TUBAL3: variants seen among roughly 807,000 people sequenced by gnomAD.
TUBAL3 encodes tubulin alpha like 3.
TUBAL3 carries 16 observed loss-of-function variants against 15.5 expected under a neutral mutation model. That is an observed-to-expected ratio of 1.04 (90% CI 0.70 to 1.57). The LOEUF (loss-of-function observed/expected upper bound fraction) is 1.57, where lower values mean the gene tolerates loss of function less well. Ranked by LOEUF, TUBAL3 falls within the 40% of genes most tolerant of loss-of-function variation. The probability of loss-of-function intolerance (pLI) is 0.00; values close to 1 mark genes in which losing one functional copy is unlikely to be tolerated. For synonymous variants in TUBAL3, 238 were observed against 224.3 expected, an observed-to-expected ratio of 1.06 and a Z score of -0.55; for missense variants, 609 against 576.2, an observed-to-expected ratio of 1.06 and a Z score of -0.58.
chr10:5,393,630 C>A lies in TUBAL3; in HGVS notation c.1228G>T (p.Ala410Ser). 6.2e-7 allele frequency: 1 copy of A among 1,614,190 alleles called. No individual in the cohort carries two copies. Among genetic ancestry groups the A allele is most frequent in the Non-Finnish European group, 8.5e-7 (1 of 1,180,030 alleles). The change falls in exon 4 of 4, where the codon GCA (alanine) becomes TCA (serine). Residue 410 changes from alanine (A) to serine (S), a missense_variant. Physicochemically the swap from Ala to Ser is moderately conservative, Grantham distance 99. Coordinates refer to ENST00000380419, the MANE Select transcript of TUBAL3 (RefSeq NM_024803.3). ...HKFDLMYAKR[A>S]FLHWYLREGM... ...TCTCTGAGGTACCAGTGCAGAAATG[C>A]TCTCTTGGCGTACATGAGGTCAAAC...
chr10:5,402,128 T>C (rs782620178), intron 1 of TUBAL3, among the ~76,000 whole-genome samples: 11 of 152,224 alleles, frequency 7.2e-5, no homozygotes, highest in Non-Finnish European at 1.3e-4. Flanking sequence ...CATCAAGATA[T>C]TAAGTTTAGT....
Position 5,400,981 on chromosome 10 carries a change from A to G in TUBAL3, c.110T>C (p.Leu37Pro). The change falls in exon 2 of 4, where the codon CTT becomes CCT. Residue 37 changes from leucine to proline, a missense_variant. Transcript: ENST00000380419. ...EHGIQPNGVVLDTQQDQLENA... is the reference protein window; with the variant it reads ...EHGIQPNGVVPDTQQDQLENA... ...TTCCAGCTGATCCTGTTGAGTGTCA[A>G]GAACAACGCCATTTGGCTGGATTCC... 6.2e-7 allele frequency: 1 copy of G among 1,614,230 alleles called. No individual in the cohort carries two copies. Among genetic ancestry groups the G allele is most frequent in the African/African-American group, 1.3e-5 (1 of 75,060 alleles).
In TUBAL3 at chr10:5,394,320, G is replaced by C; in HGVS notation, c.538C>G (p.Pro180Ala). 2 of 1,614,108 alleles carry C rather than the reference G, an allele frequency of 1.2e-6. No homozygotes were observed. Among genetic ancestry groups the C allele is most frequent in the Non-Finnish European group, 1.7e-6 (2 of 1,180,018 alleles). ...ACAGCAGTGGAGATCCTGGGGGCTGGGTAGACCGAGAACTCCAGCTTAGTC... is the reference window on the plus strand; with the variant it reads ...ACAGCAGTGGAGATCCTGGGGGCTGCGTAGACCGAGAACTCCAGCTTAGTC... ...RKTKLEFSVY[P>A]APRISTAVVE... Residue 180 changes from proline to alanine, a missense_variant, in exon 4 of 4, where the codon CCA (proline) becomes GCA (alanine). Physicochemically the swap from Pro to Ala is conservative, Grantham distance 27 (BLOSUM62 -1). Coordinates refer to ENST00000380419, the MANE Select transcript of TUBAL3 (RefSeq NM_024803.3). The surrounding 1 kb of genome is among the most constrained non-coding windows in gnomAD (Gnocchi z 4.3).
Position 5,397,866 on chromosome 10 carries a change from A to G in TUBAL3, c.248-2391T>C, listed in dbSNP as rs1554814297. On this transcript the variant is annotated intron_variant, in intron 2 of 3. Transcript: ENST00000380419. This position sits in a 1 kb window ranked among gnomAD's most constrained non-coding sequence, Gnocchi z 4.9. ...TTCACCCTTGAGCCTGCCCCAGACCATCTTCCCAGACTCATCCCCTGCTTT... is the reference window on the plus strand; with the variant it reads ...TTCACCCTTGAGCCTGCCCCAGACCGTCTTCCCAGACTCATCCCCTGCTTT... Among the ~76,000 whole-genome samples, 1 of 152,266 alleles carries G rather than the reference A, an allele frequency of 6.6e-6. No homozygotes were observed. Among genetic ancestry groups the G allele is most frequent in the Admixed American group, 6.5e-5 (1 of 15,300 alleles).
chr10:5,400,971 T>C lies in TUBAL3; in HGVS notation c.120A>G (p.Gln40=), dbSNP rs1554814590. ...TTTTTGCATTTTCCAGCTGATCCTG[T>C]TGAGTGTCAAGAACAACGCCATTTG... ...IQPNGVVLDT[Q]QDQLENAKME... is the part of the protein sequence containing the mutation. The change falls in exon 2 of 4, where the codon CAA becomes CAG. Residue 40 remains glutamine (Q), a synonymous_variant. Transcript: ENST00000380419. 2 of 1,614,238 alleles carry C rather than the reference T, an allele frequency of 1.2e-6. No homozygotes were observed. The highest frequency in any genetic ancestry group is 1.7e-6 in the Non-Finnish European group (2 of 1,180,038).
rs1348493348 is a variant in TUBAL3 at position 5,397,687 on chromosome 10, T to G, written c.248-2212A>C. ...TATCCTCAGAGACATCAATGGCTTT[T>G]GAACAATTACATGATGGCTCCTTAG... On this transcript the variant is annotated intron_variant, in intron 2 of 3. Coordinates refer to ENST00000380419, the MANE Select transcript of TUBAL3 (RefSeq NM_024803.3). The surrounding 1 kb of genome is among the most constrained non-coding windows in gnomAD (Gnocchi z 4.9). 6.6e-6 allele frequency among the ~76,000 whole-genome samples: 1 copy of G among 152,204 alleles called. No homozygotes were observed. Among genetic ancestry groups the G allele is most frequent in the Non-Finnish European group, 1.5e-5 (1 of 68,036 alleles).
Position 5,394,088 on chromosome 10 carries a change from A to G in TUBAL3, c.770T>C (p.Val257Ala). The G allele has an allele frequency of 6.2e-7, 1 of 1,614,224 alleles. No individual in the cohort carries two copies. Among genetic ancestry groups the G allele is most frequent in the Non-Finnish European group, 8.5e-7 (1 of 1,180,048 alleles). Residue 257 changes from valine to alanine, a missense_variant, in exon 4 of 4, where the codon GTA (valine) becomes GCA (alanine). Coordinates refer to ENST00000380419, the MANE Select transcript of TUBAL3 (RefSeq NM_024803.3). This position sits in a 1 kb window ranked among gnomAD's most constrained non-coding sequence, Gnocchi z 4.3. ...GTTGGTCTGGAATTCAATTAGGTCT[A>G]CATTCAAGGGCCCTTCAAACCGGAG... is the stretch of plus-strand genomic sequence containing the variant. ...ASLRFEGPLN[V>A]DLIEFQTNLV...
intron 1 of TUBAL3, among the ~76,000 whole-genome samples, chr10:5,401,844 T>A (rs11253161): frequency 0.045 from 6,791 of 152,218 alleles, 230 homozygotes; most frequent in South Asian, 0.17. Context: ...TGTAGGCTGA[T>A]GGCATTCACA....
chr10:5,395,435 G>T lies in TUBAL3; in HGVS notation c.288C>A (p.Pro96=). ...RTGQHRSLFH[P]EQLLSGKEDA... ...CCTCCTTTCCGCTAAGGAGCTGCTC[G>T]GGGTGGAAGAGTGAACGGTGCTGGC... Residue 96 remains proline (P), a synonymous_variant, in exon 3 of 4, where the codon CCC becomes CCA. Transcript: ENST00000380419. This position sits in a 1 kb window ranked among gnomAD's most constrained non-coding sequence, Gnocchi z 4.6. The T allele has an allele frequency of 6.2e-7, 1 of 1,601,074 alleles. No individual in the cohort carries two copies. Among genetic ancestry groups the T allele is most frequent in the Non-Finnish European group, 8.5e-7 (1 of 1,172,094 alleles).
Position 5,393,472 on chromosome 10 carries a change from C to T in TUBAL3, c.*45G>A. 1 of 1,492,946 alleles carries T rather than the reference C, an allele frequency of 6.7e-7. No homozygotes were observed. The highest frequency in any genetic ancestry group is 9.0e-7 in the Non-Finnish European group (1 of 1,116,076). 92.5% of individuals were successfully genotyped at this position (1,492,946 alleles called of 1,614,324 possible). On this transcript the variant is annotated 3_prime_UTR_variant, in exon 4 of 4. Transcript: ENST00000380419. The stretch of plus-strand genomic sequence containing the variant: ...GGCATATAACGGCTTGAAAAGAAAA[C>T]ATGCCATTTTAACTTGACATTCATT...
At position 5,393,874 on chromosome 10, in the gene TUBAL3, CCCTCTATAGAGTAGG is replaced by C; in HGVS notation, c.969_983del (p.Cys323_Gly328delinsTrp). 1.2e-6 allele frequency: 2 copies of C among 1,614,214 alleles called. No individual in the cohort carries two copies. Among genetic ancestry groups the C allele is most frequent in the Middle Eastern group, 1.6e-4 (1 of 6,062 alleles). On this transcript the variant is annotated inframe_deletion, in exon 4 of 4. Transcript: ENST00000380419. ...CATTCACTTCCTTGGGGACCACATC[CCCTCTATAGAGTAGG>C]CAGCAGGCCATGTACTTCCCAAGCC... is the stretch of plus-strand genomic sequence containing the variant.
chr10:5,393,471 A>T lies in TUBAL3; in HGVS notation c.*46T>A. On this transcript the variant is annotated 3_prime_UTR_variant, in exon 4 of 4. Transcript: ENST00000380419. ...AGGCATATAACGGCTTGAAAAGAAA[A>T]CATGCCATTTTAACTTGACATTCAT... 1 of 1,510,444 alleles carries T rather than the reference A, an allele frequency of 6.6e-7. No homozygotes were observed. Among genetic ancestry groups the T allele is most frequent in the Non-Finnish European group, 8.9e-7 (1 of 1,122,054 alleles). The allele number at this position is 1,510,444 out of a possible 1,614,324, so 93.6% of individuals were successfully genotyped here. A position where few individuals can be genotyped will look rare whatever the true frequency, so the allele number is the denominator to read the frequency against.
Position 5,399,859 on chromosome 10 carries a change from C to T in TUBAL3, c.247+985G>A, listed in dbSNP as rs180690250. On this transcript the variant is annotated intron_variant, in intron 2 of 3. Transcript: ENST00000380419. ...ACCACATGGAGCACAGGCGAGCTGT[C>T]ACCTCTGAGCCCCACCCAAACTGTA... Among the ~76,000 whole-genome samples, 92 of 152,308 alleles carry T rather than the reference C, an allele frequency of 6.0e-4. 1 individual carries two copies. Among genetic ancestry groups the T allele is most frequent in the African/African-American group, 1.9e-3 (81 of 41,564 alleles).
Position 5,395,453 on chromosome 10 carries a change from G to A in TUBAL3, c.270C>T (p.His90=), listed in dbSNP as rs199609704. ...GCTGCTCGGGGTGGAAGAGTGAACG[G>A]TGCTGGCCCGTCCGGATCCCATCTG... ...TVIDGIRTGQ[H]RSLFHPEQLL... Residue 90 remains histidine (H), a synonymous_variant, in exon 3 of 4, where the codon CAC becomes CAT. Coordinates refer to ENST00000380419, the MANE Select transcript of TUBAL3 (RefSeq NM_024803.3). This position sits in a 1 kb window ranked among gnomAD's most constrained non-coding sequence, Gnocchi z 4.6. 1.3e-6 allele frequency: 2 copies of A among 1,570,802 alleles called. No individual in the cohort carries two copies. Among genetic ancestry groups the A allele is most frequent in the African/African-American group, 1.4e-5 (1 of 73,370 alleles).
Position 5,395,177 on chromosome 10 carries a change from G to A in TUBAL3, c.396+150C>T. Reference sequence around the variant, plus strand: ...CAAGGGGAAATCAAAGCCAAGATGAGAACCCCTCCCCAGTTCTGAGCACCC... The same window carrying A: ...CAAGGGGAAATCAAAGCCAAGATGAAAACCCCTCCCCAGTTCTGAGCACCC... On this transcript the variant is annotated intron_variant, in intron 3 of 3. Coordinates refer to ENST00000380419, the MANE Select transcript of TUBAL3 (RefSeq NM_024803.3). This position sits in a 1 kb window ranked among gnomAD's most constrained non-coding sequence, Gnocchi z 4.6. 3 of 798,630 alleles carry A rather than the reference G, an allele frequency of 3.8e-6. No homozygotes were observed. The highest frequency in any genetic ancestry group is 3.1e-5 in the South Asian group (1 of 31,916). The allele number at this position is 798,630 out of a possible 1,614,324, so 49.5% of individuals were successfully genotyped here. A position where few individuals can be genotyped will look rare whatever the true frequency, so the allele number is the denominator to read the frequency against.
At chr10:5,403,629 C>T (rs544196220) in intron 1 of TUBAL3, among the ~76,000 whole-genome samples, 6 of 152,130 alleles carry the variant, frequency 3.9e-5, no homozygotes, top group South Asian at 2.1e-4. Flanking sequence ...GAAATCAGCA[C>T]GAATAGCCTG....
rs189581093 is a variant in TUBAL3 at position 5,394,238 on chromosome 10, C to G, written c.620G>C (p.Cys207Ser). ...TTHSTTEHTDCTFMVDNEAVY... is the reference protein window; with the variant it reads ...TTHSTTEHTDSTFMVDNEAVY... ...GGCCTCGTTGTCCACCATGAAGGTA[C>G]AGTCCGTGTGCTCTGTGGTGGAGTG... The change falls in exon 4 of 4, where the codon TGT becomes TCT. Residue 207 changes from cysteine to serine, a missense_variant. Cys to Ser is a moderately radical substitution (Grantham distance 112). Coordinates refer to ENST00000380419, the MANE Select transcript of TUBAL3 (RefSeq NM_024803.3). The surrounding 1 kb of genome is among the most constrained non-coding windows in gnomAD (Gnocchi z 4.3). 13 of 1,614,178 alleles carry G rather than the reference C, an allele frequency of 8.1e-6. No individual in the cohort carries two copies. In the South Asian group the frequency reaches 1.3e-4, roughly 16 times the overall value.
rs782155172 is a variant in TUBAL3 at position 5,393,509 on chromosome 10, T to C, written c.*8A>G. On this transcript the variant is annotated 3_prime_UTR_variant, in exon 4 of 4. Coordinates refer to ENST00000380419, the MANE Select transcript of TUBAL3 (RefSeq NM_024803.3). ...ACTTGACATTCATTTGCACCCATCA[T>C]ACATGCCTCAGAAACTTTGCGCCAC... The C allele has an allele frequency of 3.1e-6, 5 of 1,590,848 alleles. No individual in the cohort carries two copies. In the Admixed American group the frequency reaches 6.9e-5, roughly 22 times the overall value.
chr10:5,402,355 C>T (rs1252453345), intron 1 of TUBAL3, among the ~76,000 whole-genome samples: 2 of 152,134 alleles, frequency 1.3e-5, no homozygotes, highest in Non-Finnish European at 2.9e-5. Context: ...AATCGCTGTT[C>T]TTAATATTGG....
Sources: allele counts gnomAD v4.1 joint callset (sites outside exome capture counted in the v4.1 genomes callset), GRCh38; gene constraint gnomAD v4.1.1; non-coding constraint Gnocchi (gnomAD v3.1); transcripts MANE v1.5; gene names NCBI Gene and HGNC (gene_info 2026-07-23, HGNC 2026-07-21).